Variants in GUSB observed in about 807,000 individuals in gnomAD.
The protein encoded by GUSB is glucuronidase beta.
A neutral mutation model predicts 74.6 loss-of-function variants in GUSB; 51 were observed. The ratio of observed to expected loss-of-function variants is 0.68; its 90% CI spans 0.55 to 0.86. The LOEUF (loss-of-function observed/expected upper bound fraction) is 0.86, where lower values mean the gene tolerates loss of function less well. Ranked by LOEUF, GUSB falls within the 40% of genes least tolerant of loss-of-function variation. GUSB has a pLI of 0.00. For missense variants in GUSB, 736 were observed against 853.7 expected, an observed-to-expected ratio of 0.86 and a Z score of 1.72; for synonymous variants, 360 against 348.3, an observed-to-expected ratio of 1.03 and a Z score of -0.37.
chr7:65,961,697 C>T (rs1293494120), intron 11 of GUSB, among the ~76,000 whole-genome samples: 6 of 152,034 alleles, frequency 3.9e-5, no homozygotes, highest in South Asian at 2.1e-4. Flanking sequence ...TGAGGAAACC[C>T]GCCTCTATTA....
Position 65,967,654 on chromosome 7 carries a change from C to A in GUSB, c.1653+77G>T. 3 of 1,217,400 alleles carry A rather than the reference C, an allele frequency of 2.5e-6. No homozygotes were observed. The Admixed American group carries it at 5.1e-5, about 21-fold the overall frequency. The allele number at this position is 1,217,400 out of a possible 1,614,324, so 75.4% of individuals were successfully genotyped here. A position where few individuals can be genotyped will look rare whatever the true frequency, so the allele number is the denominator to read the frequency against. On this transcript the variant is annotated intron_variant, in intron 10 of 11. Coordinates refer to ENST00000304895, the MANE Select transcript of GUSB (RefSeq NM_000181.4). ...GAAGCGAGGGGAGCAGTGCAGTGGG[C>A]GCAGGTCAGGCTGGAGGAGGTGAGT...
At position 65,979,510 on chromosome 7, in the gene GUSB, A is replaced by G. The variant is rs367989163; in HGVS notation, c.613T>C (p.Tyr205His). The G allele has an allele frequency of 1.3e-5, 21 of 1,613,910 alleles. No homozygotes were observed. Among genetic ancestry groups the G allele is most frequent in the Non-Finnish European group, 1.6e-5 (19 of 1,179,918 alleles). ...YPKGYFVQNT[Y>H]FDFFNYAGLQ... ...CCAGCGTAGTTGAAAAAGTCAAAAT[A>G]TGTGTTCTGGACAAAGTAACCCTTG... The change falls in exon 4 of 12, where the codon TAT becomes CAT. Residue 205 changes from tyrosine to histidine, a missense_variant. Physicochemically the swap from Tyr to His is moderately conservative, Grantham distance 83. Coordinates refer to ENST00000304895, the MANE Select transcript of GUSB (RefSeq NM_000181.4).
At chr7:65,967,583 G>A in intron 10 of GUSB, 148 bp downstream of exon 10, 1 of 730,934 alleles carries the variant, frequency 1.4e-6, no homozygotes, top group Non-Finnish European at 2.4e-6. Context: ...CTGGCTGTTG[G>A]CGGTGAGGGA....
At chr7:65,970,774 A>G (rs1222367937) in intron 8 of GUSB, among the ~76,000 whole-genome samples, 1 of 152,058 alleles carries the variant, frequency 6.6e-6, no homozygotes, top group African/African-American at 2.4e-5. Flanking sequence ...CTATAGTCTG[A>G]GCTACTCAGG....
Position 65,980,220 on chromosome 7 carries a change from T to G in GUSB, c.396+4A>C. ...CCGCCCTGCCTGCTCCTGGCCGCAC[T>G]GACCACGATGGCATAGGAATGGGCA... is the stretch of plus-strand genomic sequence containing the variant. On this transcript the variant is annotated splice_donor_region_variant and intron_variant, in intron 2 of 11. Transcript: ENST00000304895. 1.2e-6 allele frequency: 1 copy of G among 829,190 alleles called. No homozygotes were observed. Among genetic ancestry groups the G allele is most frequent in the Non-Finnish European group, 1.8e-6 (1 of 568,074 alleles). The allele number at this position is 829,190 out of a possible 1,614,324, so 51.4% of individuals were successfully genotyped here. A position where few individuals can be genotyped will look rare whatever the true frequency, so the allele number is the denominator to read the frequency against.
At chr7:65,965,074 AAT>A (rs560915826) in intron 10 of GUSB, among the ~76,000 whole-genome samples, 18 of 118,638 alleles carry the variant, frequency 1.5e-4, no homozygotes, top group East Asian at 2.8e-4. Context: ...GTCTCTAATA[AAT>A]ATATATATAT....
At chr7:65,964,118 T>A in intron 11 of GUSB, 2 of 616,852 alleles carry the variant, frequency 3.2e-6, no homozygotes, top group Non-Finnish European at 6.0e-6. Flanking sequence ...TTTGACCGTA[T>A]TTGGGAGGCG....
At chr7:65,980,185 G>GAGCC in intron 2 of GUSB, 39 bp downstream of exon 2, 48 of 725,270 alleles carry the variant, frequency 6.6e-5, no homozygotes, top group South Asian at 1.7e-4. Context: ...CAGCAGCCGT[G>GAGCC]CCCCCCCACC....
At chr7:65,965,940 G>A (rs1289220330) in intron 10 of GUSB, among the ~76,000 whole-genome samples, 1 of 152,158 alleles carries the variant, frequency 6.6e-6, no homozygotes, top group Admixed American at 6.5e-5. Flanking sequence ...GGAGGCCAAG[G>A]CGGGCGGATC....
chr7:65,981,243 T>C lies in GUSB; in HGVS notation c.210+731A>G, dbSNP rs1011578305. On this transcript the variant is annotated intron_variant, in intron 1 of 11. Transcript: ENST00000304895. ...TTAAGTTTTTTTGCCTTTTTTTTTT[T>C]TTTGGAGACGTAGTCTCACTATGTC... Among the ~76,000 whole-genome samples, 5 of 150,898 alleles carry C rather than the reference T, an allele frequency of 3.3e-5. No individual in the cohort carries two copies. The East Asian group carries it at 7.8e-4, about 24-fold the overall frequency.
In GUSB at chr7:65,967,859, G is replaced by A. The variant is rs1472841930; in HGVS notation, c.1525C>T (p.His509Tyr). The A allele has an allele frequency of 1.2e-6, 2 of 1,606,056 alleles. No individual in the cohort carries two copies. Among genetic ancestry groups the A allele is most frequent in the Non-Finnish European group, 8.5e-7 (1 of 1,179,764 alleles). The change falls in exon 10 of 12, where the codon CAC (histidine) becomes TAC (tyrosine). Residue 509 changes from histidine to tyrosine, a missense_variant. Coordinates refer to ENST00000304895, the MANE Select transcript of GUSB (RefSeq NM_000181.4). ...ICLNSYYSWYHDYGHLELIQL... is the reference protein window; with the variant it reads ...ICLNSYYSWYYDYGHLELIQL... The stretch of plus-strand genomic sequence containing the variant: ...ATCAACTCCAGGTGCCCGTAGTCGT[G>A]ATACCAAGAGTAGTAGCTGTTCAAA...
intron 10 of GUSB, among the ~76,000 whole-genome samples, 191 bp from the exon 11 acceptor site, chr7:65,964,649 TA>T (rs544232651): frequency 1.5e-4 from 22 of 146,104 alleles, no homozygotes; most frequent in Admixed American, 2.1e-4. Flanking sequence ...AAAGGAGGTT[TA>T]AAAAAAAAAA....
chr7:65,977,639 C>T (rs1321216640), intron 4 of GUSB, among the ~76,000 whole-genome samples: 1 of 151,796 alleles, frequency 6.6e-6, no homozygotes, highest in East Asian at 1.9e-4. Context: ...ATCCATCCAC[C>T]TTGGACTCCC....
Position 65,982,189 on chromosome 7 carries a change from C to G in GUSB, c.-6G>C. The G allele has an allele frequency of 6.6e-7, 1 of 1,504,840 alleles. No individual in the cohort carries two copies. The highest frequency in any genetic ancestry group is 8.9e-7 in the Non-Finnish European group (1 of 1,127,152). The allele number at this position is 1,504,840 out of a possible 1,614,324, so 93.2% of individuals were successfully genotyped here. ...ACCGCCGACCCCCGGGCCATGCTTC[C>G]CGGTCCCCCGCTCGGCCACCGTCTG... On this transcript the variant is annotated 5_prime_UTR_variant, in exon 1 of 12. Transcript: ENST00000304895.
chr7:65,982,200 C>T lies in GUSB; in HGVS notation c.-17G>A. The T allele has an allele frequency of 6.7e-7, 1 of 1,497,510 alleles. No individual in the cohort carries two copies. Among genetic ancestry groups the T allele is most frequent in the Non-Finnish European group, 8.9e-7 (1 of 1,123,300 alleles). The allele number at this position is 1,497,510 out of a possible 1,614,324, so 92.8% of individuals were successfully genotyped here. On this transcript the variant is annotated 5_prime_UTR_variant, in exon 1 of 12. Coordinates refer to ENST00000304895, the MANE Select transcript of GUSB (RefSeq NM_000181.4). ...CCGGGCCATGCTTCCCGGTCCCCCG[C>T]TCGGCCACCGTCTGCGGCGCTAAGA... is the stretch of plus-strand genomic sequence containing the variant.
In GUSB at chr7:65,979,512, G is replaced by A. The variant is rs748981851; in HGVS notation, c.611C>T (p.Thr204Ile). ...KYPKGYFVQNTYFDFFNYAGL... is the reference protein window; with the variant it reads ...KYPKGYFVQNIYFDFFNYAGL... Reference sequence around the variant, plus strand: ...AGCGTAGTTGAAAAAGTCAAAATATGTGTTCTGGACAAAGTAACCCTTGGG... The same window carrying A: ...AGCGTAGTTGAAAAAGTCAAAATATATGTTCTGGACAAAGTAACCCTTGGG... Residue 204 changes from threonine to isoleucine, a missense_variant, in exon 4 of 12, where the codon ACA becomes ATA. Transcript: ENST00000304895. 1.2e-6 allele frequency: 2 copies of A among 1,614,140 alleles called. No individual in the cohort carries two copies. The highest frequency in any genetic ancestry group is 1.7e-5 in the Admixed American group (1 of 60,018).
intron 4 of GUSB, among the ~76,000 whole-genome samples, chr7:65,978,533 C>T (rs1390739678): frequency 6.6e-6 from 1 of 151,856 alleles, no homozygotes. Context: ...TTTGGCAGGC[C>T]GAGGAGGGTG....
At chr7:65,977,060 G>A (rs528130234) in intron 4 of GUSB, among the ~76,000 whole-genome samples, 2 of 152,170 alleles carry the variant, frequency 1.3e-5, no homozygotes, top group African/African-American at 4.8e-5. Context: ...AGCTCCTTAG[G>A]AATTCATCAC....
At chr7:65,980,090 C>T in intron 2 of GUSB, 134 bp downstream of exon 2, 1 of 1,011,976 alleles carries the variant, frequency 9.9e-7, no homozygotes, top group Non-Finnish European at 1.5e-6. Flanking sequence ...CAGGGCACAG[C>T]CCCCAGGGCA....
Sources: allele counts gnomAD v4.1 joint callset (sites outside exome capture counted in the v4.1 genomes callset), GRCh38; gene constraint gnomAD v4.1.1; transcripts MANE v1.5; gene names NCBI Gene and HGNC (gene_info 2026-07-23, HGNC 2026-07-21).